Variants in KL observed in about 807,000 individuals in gnomAD.
KL encodes klotho, also known as alpha-klotho.
In KL, 62 loss-of-function variants were observed where a neutral mutation model predicts 84.2. That is an observed-to-expected ratio of 0.74 (90% CI 0.60 to 0.91). KL has a LOEUF of 0.91. KL is among the 40% of genes least tolerant of loss of function. KL has a pLI of 0.00. For missense variants in KL, 1,261 were observed against 1,305.7 expected (o/e 0.97, Z 0.53); for synonymous variants, 528 against 528.0 (o/e 1.00, Z 0.00).
intron 1 of KL, among the ~76,000 whole-genome samples, chr13:33,037,887 C>A (rs58216809): frequency 0.036 from 5,512 of 152,058 alleles, 329 homozygotes; most frequent in African/African-American, 0.13. Context: ...ACCCAGCTCA[C>A]GAATAATATT....
intron 1 of KL, among the ~76,000 whole-genome samples, chr13:33,021,607 G>A (rs2138189941): frequency 6.6e-6 from 1 of 152,298 alleles, no homozygotes; most frequent in African/African-American, 2.4e-5. Flanking sequence ...TTGGGGCCGG[G>A]CGCAGTGGCT....
chr13:33,057,341 G>T (rs1037881755), intron 3 of KL, among the ~76,000 whole-genome samples: 1 of 152,170 alleles, frequency 6.6e-6, no homozygotes, highest in Non-Finnish European at 1.5e-5. Context: ...GGGGCTGTGC[G>T]CTGGCTTTGG....
At chr13:33,043,685 G>T (rs1165883931) in intron 1 of KL, among the ~76,000 whole-genome samples, 1 of 152,194 alleles carries the variant, frequency 6.6e-6, no homozygotes, top group African/African-American at 2.4e-5. Flanking sequence ...TTTGCTCATG[G>T]TGGGAAGGGG....
chr13:33,033,246 C>T (rs1311738767), intron 1 of KL, among the ~76,000 whole-genome samples: 1 of 152,188 alleles, frequency 6.6e-6, no homozygotes, highest in East Asian at 1.9e-4. Flanking sequence ...CCTGTGTTTA[C>T]TGCTACTCAG....
chr13:33,021,727 A>G (rs1204243512), intron 1 of KL, among the ~76,000 whole-genome samples: 6 of 152,144 alleles, frequency 3.9e-5, no homozygotes, highest in African/African-American at 1.4e-4. Context: ...TACTAAAAAT[A>G]TGGAAAATTC....
chr13:33,038,543 A>G (rs1391575808), intron 1 of KL, among the ~76,000 whole-genome samples: 1 of 152,216 alleles, frequency 6.6e-6, no homozygotes, highest in Non-Finnish European at 1.5e-5. Context: ...GAAATGCAAC[A>G]TGGTCAAAAA....
intron 3 of KL, 183 bp downstream of exon 3, chr13:33,055,498 C>A: frequency 1.5e-6 from 1 of 689,080 alleles, no homozygotes; most frequent in South Asian, 1.7e-5. Context: ...CTCTTCCAAT[C>A]TTCATCTTGT....
At chr13:33,033,918 C>G (rs957358623) in intron 1 of KL, among the ~76,000 whole-genome samples, 1 of 151,784 alleles carries the variant, frequency 6.6e-6, no homozygotes, top group Non-Finnish European at 1.5e-5. Context: ...AAACACAAAC[C>G]CTCTAGTATA....
chr13:33,029,846 G>T (rs1870910331), intron 1 of KL, among the ~76,000 whole-genome samples: 1 of 152,034 alleles, frequency 6.6e-6, no homozygotes, highest in African/African-American at 2.4e-5. Flanking sequence ...TGTTAGTCGG[G>T]ATGGTCTCGA....
chr13:33,049,205 C>G (rs556909029), intron 1 of KL, among the ~76,000 whole-genome samples: 12 of 152,256 alleles, frequency 7.9e-5, no homozygotes, highest in Non-Finnish European at 1.5e-4. Context: ...CTTTCATGAT[C>G]TTGAAAGCAA....
At chr13:33,029,656 C>T (rs575934647) in intron 1 of KL, among the ~76,000 whole-genome samples, 19 of 152,076 alleles carry the variant, frequency 1.2e-4, no homozygotes, top group South Asian at 1.0e-3. Context: ...TTTTTTGAGA[C>T]GGAGTCTTGC....
At chr13:33,025,734 C>T (rs527305682) in intron 1 of KL, among the ~76,000 whole-genome samples, 57 of 152,220 alleles carry the variant, frequency 3.7e-4, no homozygotes, top group Non-Finnish European at 5.6e-4. Context: ...TTGTTCATGC[C>T]GCCCAAGATT....
chr13:33,016,917 T>A lies in KL; in HGVS notation c.477T>A (p.Asn159Lys). 6.2e-7 allele frequency: 1 copy of A among 1,611,242 alleles called. No homozygotes were observed. ...TCTCGTGGGCGCGAGTGCTCCCCAATGGCAGCGCGGGCGTCCCCAACCGCG... is the reference window on the plus strand; with the variant it reads ...TCTCGTGGGCGCGAGTGCTCCCCAAAGGCAGCGCGGGCGTCCCCAACCGCG... Reference protein sequence around the residue: ...FSISWARVLPNGSAGVPNREG... With the variant: ...FSISWARVLPKGSAGVPNREG... Residue 159 changes from asparagine (N) to lysine (K), a missense_variant, in exon 1 of 5, where the codon AAT (asparagine) becomes AAA (lysine). Physicochemically the swap from Asn to Lys is moderately conservative, Grantham distance 94 (BLOSUM62 0). Coordinates refer to ENST00000380099, the MANE Select transcript of KL (RefSeq NM_004795.4).
In KL at chr13:33,061,057, C is replaced by G; in HGVS notation, c.1978C>G (p.Pro660Ala). 4 of 1,612,386 alleles carry G rather than the reference C, an allele frequency of 2.5e-6. No individual in the cohort carries two copies. The highest frequency in any genetic ancestry group is 3.4e-6 in the Non-Finnish European group (4 of 1,178,796). ...LLARQGAWEN[P>A]YTALAFAEYA... Reference sequence around the variant, plus strand: ...GGCCAGGCAGGGCGCCTGGGAGAACCCCTACACTGCCCTGGCCTTTGCAGA... The same window carrying G: ...GGCCAGGCAGGGCGCCTGGGAGAACGCCTACACTGCCCTGGCCTTTGCAGA... The change falls in exon 4 of 5, where the codon CCC becomes GCC. Residue 660 changes from proline to alanine, a missense_variant. Pro to Ala is a conservative substitution (Grantham distance 27). Transcript: ENST00000380099.
Position 33,064,016 on chromosome 13 carries a change from G to A in KL, c.2869G>A (p.Glu957Lys). ...TGACAGCAATGGTTTCCCGGGCCCA[G>A]AAACTCTGGAAAGATTTTGTCCAGA... Reference protein sequence around the residue: ...IIDSNGFPGPETLERFCPEEF... With the variant: ...IIDSNGFPGPKTLERFCPEEF... Residue 957 changes from glutamate to lysine, a missense_variant, in exon 5 of 5, where the codon GAA becomes AAA. Coordinates refer to ENST00000380099, the MANE Select transcript of KL (RefSeq NM_004795.4). 6.2e-7 allele frequency: 1 copy of A among 1,614,194 alleles called. No individual in the cohort carries two copies. Among genetic ancestry groups the A allele is most frequent in the African/African-American group, 1.3e-5 (1 of 75,028 alleles).
intron 1 of KL, among the ~76,000 whole-genome samples, chr13:33,026,409 A>T (rs580332): frequency 0.31 from 47,504 of 151,404 alleles, 8,694 homozygotes; most frequent in Admixed American, 0.44. Context: ...CTATAGCTGG[A>T]GGACATGCAT....
intron 4 of KL, 74 bp downstream of exon 4, chr13:33,061,854 A>C: frequency 7.0e-7 from 1 of 1,435,126 alleles, no homozygotes; most frequent in Non-Finnish European, 9.7e-7. Flanking sequence ...TAAATCTCCA[A>C]CATCAACACA....
chr13:33,045,424 G>T (rs181243715), intron 1 of KL, among the ~76,000 whole-genome samples: 31 of 152,238 alleles, frequency 2.0e-4, no homozygotes, highest in Non-Finnish European at 4.4e-4. Context: ...CTGATGTTAG[G>T]GGTGAAGCTC....
chr13:33,053,398 G>T (rs535103062), intron 1 of KL, among the ~76,000 whole-genome samples: 53 of 152,182 alleles, frequency 3.5e-4, no homozygotes, highest in Admixed American at 2.9e-3. Context: ...ATGTAGCATT[G>T]GTTCTTTTCA....
Sources: gnomAD v4.1 joint callset for allele counts (sites outside exome capture counted in the v4.1 genomes callset) on GRCh38, gnomAD v4.1.1 for gene constraint, MANE v1.5 for transcripts, NCBI Gene and HGNC (gene_info 2026-07-23, HGNC 2026-07-21) for gene names.